The following PCDH15 variants were observed in gnomAD, a reference collection of about 807,000 sequenced individuals.
The protein encoded by PCDH15 is protocadherin related 15, also known as protocadherin-15.
PCDH15 carries 129 observed loss-of-function variants against 178.5 expected under a neutral mutation model. The ratio of observed to expected loss-of-function variants is 0.72; its 90% CI spans 0.63 to 0.84. PCDH15 has a LOEUF of 0.84. Among genes scored for constraint, PCDH15 ranks in the 40% least tolerant of loss-of-function variants. PCDH15 has a pLI of 0.00. For missense variants in PCDH15, 2,230 were observed against 2,099.9 expected, an observed-to-expected ratio of 1.06 and a Z score of -1.21; for synonymous variants, 800 against 732.0, an observed-to-expected ratio of 1.09 and a Z score of -1.50.
At chr10:55,412,424 C>T (rs1381137945) in intron 2 of PCDH15, among the ~76,000 whole-genome samples, 2 of 151,946 alleles carry the variant, frequency 1.3e-5, no homozygotes, top group East Asian at 1.9e-4. Flanking sequence ...TAGACAAAAG[C>T]ATGCCTGCAT....
chr10:54,669,915 G>A (rs2094631718), intron 1 of PCDH15, among the ~76,000 whole-genome samples: 1 of 151,874 alleles, frequency 6.6e-6, no homozygotes, highest in Admixed American at 6.6e-5. Flanking sequence ...TTAGCTGGGT[G>A]TGGTGGTGCA....
chr10:54,755,352 T>A (rs960671920), intron 1 of PCDH15, among the ~76,000 whole-genome samples: 1 of 152,178 alleles, frequency 6.6e-6, no homozygotes, highest in African/African-American at 2.4e-5. Flanking sequence ...AAATATAGCT[T>A]AGTATTGTAT....
intron 2 of PCDH15, among the ~76,000 whole-genome samples, chr10:54,559,848 A>C (rs2087823280): frequency 1.1e-5 from 1 of 94,542 alleles, no homozygotes; most frequent in Non-Finnish European, 2.2e-5. Flanking sequence ...TTTGTCTTAT[A>C]GTAAAAAAAA....
intron 2 of PCDH15, among the ~76,000 whole-genome samples, chr10:55,050,635 T>A (rs186133285): frequency 8.6e-4 from 131 of 152,186 alleles, no homozygotes; most frequent in Admixed American, 1.3e-3. Context: ...TCCAAAGCTG[T>A]ATTGGCATAT....
intron 20 of PCDH15, 46 bp from the exon 21 acceptor site, chr10:53,995,811 T>G: frequency 6.4e-7 from 1 of 1,551,462 alleles, no homozygotes; most frequent in Non-Finnish European, 8.9e-7. Flanking sequence ...GAAACCAGGT[T>G]AGGGATACAG....
chr10:55,204,526 C>A (rs561156523), intron 1 of PCDH15, among the ~76,000 whole-genome samples: 1 of 111,836 alleles, frequency 8.9e-6, no homozygotes, highest in Non-Finnish European at 2.4e-5. Flanking sequence ...GGCTACTATA[C>A]CTTGTCCATA....
intron 8 of PCDH15, among the ~76,000 whole-genome samples, chr10:54,307,086 A>G (rs1427168126): frequency 0.012 from 101 of 8,260 alleles, 9 homozygotes; most frequent in Non-Finnish European, 0.015. Flanking sequence ...ATATACATAT[A>G]TATATATGTG....
chr10:54,220,931 A>G (rs1031732617), intron 9 of PCDH15, among the ~76,000 whole-genome samples: 3 of 152,076 alleles, frequency 2.0e-5, no homozygotes, highest in Non-Finnish European at 4.4e-5. Flanking sequence ...ATTTCCCTGC[A>G]TTTCTTAAAA....
chr10:53,903,839 T>G (rs1368803589), intron 25 of PCDH15, among the ~76,000 whole-genome samples: 1 of 152,176 alleles, frequency 6.6e-6, no homozygotes, highest in Non-Finnish European at 1.5e-5. Context: ...GTACAATAAC[T>G]TTTATGTTTT....
chr10:54,811,135 GTA>G (rs35181963), intron 3 of PCDH15, among the ~76,000 whole-genome samples: 25 of 150,888 alleles, frequency 1.7e-4, no homozygotes, highest in East Asian at 3.9e-4. Context: ...AATATTATGT[GTA>G]TATATATATA....
intron 2 of PCDH15, among the ~76,000 whole-genome samples, chr10:55,529,637 G>A (rs1161792173): frequency 6.7e-6 from 1 of 149,950 alleles, no homozygotes; most frequent in Non-Finnish European, 1.5e-5. Flanking sequence ...AGGGTGATCT[G>A]ATAACTTCTC....
At chr10:54,675,793 C>T (rs1369795755) in intron 1 of PCDH15, among the ~76,000 whole-genome samples, 1 of 152,130 alleles carries the variant, frequency 6.6e-6, no homozygotes, top group African/African-American at 2.4e-5. Context: ...TCATTATTAG[C>T]CAAGCTCCTA....
At chr10:55,582,632 T>A (rs867977595) in intron 2 of PCDH15, among the ~76,000 whole-genome samples, 64 of 130,540 alleles carry the variant, frequency 4.9e-4, no homozygotes, top group African/African-American at 1.5e-3. Flanking sequence ...ATATATATTT[T>A]TTTTTTTTTG....
intron 8 of PCDH15, among the ~76,000 whole-genome samples, chr10:54,275,632 C>G (rs1299562865): frequency 1.3e-5 from 2 of 151,522 alleles, no homozygotes; most frequent in Admixed American, 1.3e-4. Flanking sequence ...TCATTACAAC[C>G]AAAATACTAA....
chr10:54,545,941 A>C (rs2085803616), intron 2 of PCDH15, among the ~76,000 whole-genome samples: 1 of 152,236 alleles, frequency 6.6e-6, no homozygotes, highest in African/African-American at 2.4e-5. Context: ...CTCTCATGAC[A>C]CAAGAACATA....
intron 2 of PCDH15, among the ~76,000 whole-genome samples, chr10:54,950,484 C>T (rs1402369927): frequency 6.6e-6 from 1 of 152,036 alleles, no homozygotes; most frequent in African/African-American, 2.4e-5. Flanking sequence ...ACTTTGCCTG[C>T]TGCCATCCAC....
chr10:54,838,400 C>A (rs868516245), intron 3 of PCDH15, among the ~76,000 whole-genome samples: 3 of 152,116 alleles, frequency 2.0e-5, no homozygotes, highest in Admixed American at 1.3e-4. Flanking sequence ...TGCTTTCCCA[C>A]CTGCCATTAT....
intron 3 of PCDH15, among the ~76,000 whole-genome samples, chr10:54,828,495 GTA>G (rs1401406141): frequency 6.6e-6 from 1 of 151,816 alleles, no homozygotes; most frequent in Non-Finnish European, 1.5e-5. Context: ...ATGTGTATGT[GTA>G]TGTGTATGTG....
chr10:55,159,081 G>C (rs1838981569), intron 2 of PCDH15, among the ~76,000 whole-genome samples: 1 of 151,920 alleles, frequency 6.6e-6, no homozygotes. Flanking sequence ...GTGGCTAAAT[G>C]ACTTTAGTAC....
Sources: gnomAD v4.1 joint callset for allele counts (sites outside exome capture counted in the v4.1 genomes callset) on GRCh38, gnomAD v4.1.1 for gene constraint, MANE v1.5 for transcripts, NCBI Gene and HGNC (gene_info 2026-07-23, HGNC 2026-07-21) for gene names.